CD300E: variants seen among roughly 807,000 people sequenced by gnomAD.
CD300E encodes CD300e molecule.
A neutral mutation model predicts 20.9 loss-of-function variants in CD300E; 14 were observed. That is an observed-to-expected ratio of 0.67 (90% CI 0.44 to 1.05). The LOEUF (loss-of-function observed/expected upper bound fraction) is 1.05, where lower values mean the gene tolerates loss of function less well. CD300E is among the 50% of genes least tolerant of loss of function. CD300E has a pLI of 0.00. For missense variants in CD300E, 237 were observed against 253.9 expected (o/e 0.93, Z 0.45); for synonymous variants, 102 against 103.7 (o/e 0.98, Z 0.10).
chr17:74,611,722 C>G lies in CD300E; in HGVS notation c.*931G>C, dbSNP rs1411698582. ...CTCTGTTGACCTTGTGCATTGGACA[C>G]CTCCAGGTGGGGGAATTCCAGGAGT... is the stretch of plus-strand genomic sequence containing the variant. On this transcript the variant is annotated 3_prime_UTR_variant, in exon 4 of 4. Coordinates refer to ENST00000392619, the MANE Select transcript of CD300E (RefSeq NM_181449.3). 1 of 152,344 alleles carries G rather than the reference C, an allele frequency of 6.6e-6. No homozygotes were observed. Among genetic ancestry groups the G allele is most frequent in the East Asian group, 1.9e-4 (1 of 5,194 alleles). 9.4% of individuals were successfully genotyped at this position (152,344 alleles called of 1,614,324 possible).
At chr17:74,616,122 T>A (rs982526685) in intron 2 of CD300E, among the ~76,000 whole-genome samples, 1 of 151,772 alleles carries the variant, frequency 6.6e-6, no homozygotes, top group Non-Finnish European at 1.5e-5. Flanking sequence ...TTGCAGGGGC[T>A]CAAAGTGGTC....
chr17:74,616,634 A>G (rs1340646624), intron 2 of CD300E, among the ~76,000 whole-genome samples: 2 of 152,166 alleles, frequency 1.3e-5, no homozygotes, highest in African/African-American at 4.8e-5. Context: ...GTGGGCAGGA[A>G]GAATTGGGAC....
chr17:74,616,889 G>A (rs971101233), intron 2 of CD300E, among the ~76,000 whole-genome samples: 8 of 152,120 alleles, frequency 5.3e-5, no homozygotes, highest in South Asian at 4.1e-4. Flanking sequence ...ATAATGGGGT[G>A]AGGCCCAGGC....
chr17:74,615,091 C>T (rs1253192067), intron 2 of CD300E, among the ~76,000 whole-genome samples: 2 of 152,226 alleles, frequency 1.3e-5, no homozygotes, highest in Non-Finnish European at 2.9e-5. Flanking sequence ...GACTCACTTC[C>T]GCTGGAAGCA....
intron 1 of CD300E, among the ~76,000 whole-genome samples, chr17:74,623,276 C>A (rs1044338661): frequency 2.0e-5 from 3 of 152,328 alleles, no homozygotes; most frequent in Non-Finnish European, 4.4e-5. Context: ...ACTCTCATCA[C>A]CACATGAATG....
chr17:74,613,826 G>T, intron 3 of CD300E, 99 bp downstream of exon 3: 1 of 698,126 alleles, frequency 1.4e-6, no homozygotes. Flanking sequence ...GAGAGAAACA[G>T]CAGACAGTGA....
rs2143347591 is a variant in CD300E at position 74,611,314 on chromosome 17, T to G, written c.*1339A>C. ...GCAGCTCTGCCTAAGCACTCGGCAC[T>G]CAGAGGGTCACTCCATGTGCTCTGG... On this transcript the variant is annotated 3_prime_UTR_variant, in exon 4 of 4. Transcript: ENST00000392619. 6.6e-6 allele frequency: 1 copy of G among 152,322 alleles called. No homozygotes were observed. Among genetic ancestry groups the G allele is most frequent in the Admixed American group, 6.5e-5 (1 of 15,304 alleles). 9.4% of individuals were successfully genotyped at this position (152,322 alleles called of 1,614,324 possible).
chr17:74,612,737 G>A lies in CD300E; in HGVS notation c.534C>T (p.Val178=), dbSNP rs1397220060. ...RLSSPHFLLV[V]LLKLPLLLSM... ...TCAGGAGCAGGGGCAGCTTCAGAAG[G>A]ACCACGAGCAGGAAGTGAGGGCTGC... The change falls in exon 4 of 4, where the codon GTC becomes GTT. Residue 178 remains valine (V), a synonymous_variant. Transcript: ENST00000392619. 3 of 1,613,984 alleles carry A rather than the reference G, an allele frequency of 1.9e-6. No homozygotes were observed. The highest frequency in any genetic ancestry group is 2.5e-6 in the Non-Finnish European group (3 of 1,179,992).
In CD300E at chr17:74,623,608, G is replaced by A. The variant is rs2031068209; in HGVS notation, c.14C>T (p.Pro5Leu). 3.7e-6 allele frequency: 6 copies of A among 1,614,150 alleles called. No individual in the cohort carries two copies. The highest frequency in any genetic ancestry group is 5.1e-6 in the Non-Finnish European group (6 of 1,180,010). The change falls in exon 1 of 4, where the codon CCA (proline) becomes CTA (leucine). Residue 5 changes from proline (P) to leucine (L), a missense_variant. Transcript: ENST00000392619. MWLL[P>L]ALLLLCLSGC... is the part of the protein sequence containing the mutation. ...TGAGAGGCAGAGAAGGAGTAGAGCTGGGAGCAGCCACATGTTCCTGTCTCC... is the reference window on the plus strand; with the variant it reads ...TGAGAGGCAGAGAAGGAGTAGAGCTAGGAGCAGCCACATGTTCCTGTCTCC...
intron 3 of CD300E, 30 bp from the exon 4 acceptor site, chr17:74,612,803 T>C: frequency 6.2e-7 from 1 of 1,611,312 alleles, no homozygotes; most frequent in South Asian, 1.1e-5. Context: ...AATGAGTCAC[T>C]TCCCCGGGAG....
In CD300E at chr17:74,612,620, T is replaced by A; in HGVS notation, c.*33A>T. 6.2e-7 allele frequency: 1 copy of A among 1,610,324 alleles called. No individual in the cohort carries two copies. The highest frequency in any genetic ancestry group is 8.5e-7 in the Non-Finnish European group (1 of 1,179,102). The stretch of plus-strand genomic sequence containing the variant: ...TCCCTGCACGGGGCACTCCTGGGGA[T>A]GGGGCTCTGCAGGGCTTCGGGTCAG... On this transcript the variant is annotated 3_prime_UTR_variant, in exon 4 of 4. Coordinates refer to ENST00000392619, the MANE Select transcript of CD300E (RefSeq NM_181449.3).
intron 2 of CD300E, among the ~76,000 whole-genome samples, chr17:74,615,001 C>A (rs984867822): frequency 3.3e-5 from 5 of 152,246 alleles, no homozygotes; most frequent in Admixed American, 2.6e-4. Flanking sequence ...CCGCGTTCAA[C>A]CTCTCTGTTG....
Position 74,617,349 on chromosome 17 carries a change from G to C in CD300E, c.157C>G (p.Gln53Glu). Residue 53 changes from glutamine (Q) to glutamate (E), a missense_variant, in exon 2 of 4, where the codon CAG (glutamine) becomes GAG (glutamate). Gln to Glu is a conservative substitution (Grantham distance 29). Transcript: ENST00000392619. ...ATGCTCTCACATGACGTGTCGTACT[G>C]TCCTCGGCACCAGTACTTGTTATAT... Reference protein sequence around the residue: ...KGYNKYWCRGQYDTSCESIVE... With the variant: ...KGYNKYWCRGEYDTSCESIVE... 6.2e-7 allele frequency: 1 copy of C among 1,614,118 alleles called. No individual in the cohort carries two copies. The highest frequency in any genetic ancestry group is 8.5e-7 in the Non-Finnish European group (1 of 1,180,030).
In CD300E at chr17:74,611,833, C is replaced by T. The variant is rs2030784587; in HGVS notation, c.*820G>A. 6.6e-6 allele frequency: 1 copy of T among 152,324 alleles called. No individual in the cohort carries two copies. The highest frequency in any genetic ancestry group is 2.4e-5 in the African/African-American group (1 of 41,436). The allele number at this position is 152,324 out of a possible 1,614,324, so 9.4% of individuals were successfully genotyped here. On this transcript the variant is annotated 3_prime_UTR_variant, in exon 4 of 4. Coordinates refer to ENST00000392619, the MANE Select transcript of CD300E (RefSeq NM_181449.3). ...TAACCTGGAGCAGCTCATCCACGGCCCACCCAGGCAGAGATGTTCTGAGCC... is the reference window on the plus strand; with the variant it reads ...TAACCTGGAGCAGCTCATCCACGGCTCACCCAGGCAGAGATGTTCTGAGCC...
At chr17:74,618,870 G>A (rs763427111) in intron 1 of CD300E, among the ~76,000 whole-genome samples, 4 of 146,884 alleles carry the variant, frequency 2.7e-5, no homozygotes, top group African/African-American at 5.0e-5. Flanking sequence ...GTGTTTTCCC[G>A]CTCTGTGCTC....
intron 1 of CD300E, among the ~76,000 whole-genome samples, chr17:74,618,359 G>C (rs890315322): frequency 2.0e-5 from 3 of 152,210 alleles, no homozygotes; most frequent in Admixed American, 1.3e-4. Context: ...GTGGGTGTGA[G>C]AGAGAGGGAG....
At chr17:74,617,066 C>A (rs914314954) in intron 2 of CD300E, 52 bp downstream of exon 2, 71 of 1,507,892 alleles carry the variant, frequency 4.7e-5, no homozygotes, top group African/African-American at 6.9e-5. Flanking sequence ...ACCCTTGTTC[C>A]CTTGTCCAGT....
Position 74,621,785 on chromosome 17 carries a change from A to T in CD300E, c.40+1797T>A, listed in dbSNP as rs114029166. On this transcript the variant is annotated intron_variant, in intron 1 of 3. Transcript: ENST00000392619. ...TCTGGACTTCATTTCCAGCTTGTCT[A>T]CTTAGTTCTTATGTCATCAGATCTC... 3.0e-3 allele frequency among the ~76,000 whole-genome samples: 455 copies of T among 152,252 alleles called. 3 individuals are homozygous for T. Among genetic ancestry groups the T allele is most frequent in the African/African-American group, 0.01 (434 of 41,540 alleles).
intron 1 of CD300E, among the ~76,000 whole-genome samples, chr17:74,620,823 G>A (rs2031005477): frequency 6.6e-6 from 1 of 152,016 alleles, no homozygotes; most frequent in Non-Finnish European, 1.5e-5. Flanking sequence ...AGGCCAAGGT[G>A]AGCGGATCAC....
Sources: allele counts gnomAD v4.1 joint callset (sites outside exome capture counted in the v4.1 genomes callset), GRCh38; gene constraint gnomAD v4.1.1; transcripts MANE v1.5; gene names NCBI Gene and HGNC (gene_info 2026-07-23, HGNC 2026-07-21).